GSE1: variants seen among roughly 807,000 people sequenced by gnomAD.
GSE1 encodes the protein genetic suppressor element 1.
Under a neutral mutation model 112.6 loss-of-function variants are expected in GSE1, and 32 were observed. The ratio of observed to expected loss-of-function variants is 0.28; its 90% CI spans 0.21 to 0.38. GSE1 has a LOEUF of 0.38. Among genes scored for constraint, GSE1 ranks in the 10% least tolerant of loss-of-function variants. GSE1 has a pLI of 1.00. For synonymous variants in GSE1, 1,115 were observed against 735.6 expected (o/e 1.52, Z -8.35); for missense variants, 2,348 against 1,699.2 (o/e 1.38, Z -6.71).
intron 1 of GSE1, among the ~76,000 whole-genome samples, chr16:85,586,315 C>T (rs1207304475): frequency 1.3e-5 from 2 of 152,244 alleles, no homozygotes; most frequent in Non-Finnish European, 2.9e-5. Context: ...CAGTTTAGCC[C>T]ATGACATAGG....
intron 1 of GSE1, among the ~76,000 whole-genome samples, chr16:85,628,046 G>T (rs1253504352): frequency 6.6e-6 from 1 of 152,200 alleles, no homozygotes; most frequent in South Asian, 2.1e-4. Flanking sequence ...CAGGAGGCAC[G>T]TGGGCCCTGG....
At chr16:85,597,373 CAA>C (rs1165062872) in intron 1 of GSE1, among the ~76,000 whole-genome samples, 3 of 31,846 alleles carry the variant, frequency 9.4e-5, no homozygotes, top group East Asian at 9.4e-4. Context: ...GACTCTGTCT[CAA>C]AAAAAAAAAA....
At chr16:85,313,973 C>T (rs114977548) in intron 1 of GSE1, among the ~76,000 whole-genome samples, 6,552 of 150,368 alleles carry the variant, frequency 0.044, 478 homozygotes, top group African/African-American at 0.15. Context: ...GTGTGTGACA[C>T]AGCCTAGTGT....
intron 2 of GSE1, among the ~76,000 whole-genome samples, chr16:85,363,029 G>A (rs1263177050): frequency 6.6e-6 from 1 of 152,026 alleles, no homozygotes; most frequent in East Asian, 1.9e-4. Context: ...TAGACATGGG[G>A]TTTCACCATG....
At chr16:85,574,042 G>T (rs1033673667) in intron 1 of GSE1, among the ~76,000 whole-genome samples, 41 of 152,178 alleles carry the variant, frequency 2.7e-4, no homozygotes, top group African/African-American at 9.4e-4. Flanking sequence ...CTTGGGAGAG[G>T]CCCGCTCCCC....
chr16:85,194,675 A>T (rs72797612), intron 1 of GSE1, among the ~76,000 whole-genome samples: 2 of 152,148 alleles, frequency 1.3e-5, no homozygotes, highest in African/African-American at 4.8e-5. Flanking sequence ...GTTAACCAGG[A>T]GCTTTGGCTG....
intron 2 of GSE1, among the ~76,000 whole-genome samples, chr16:85,499,652 C>A (rs1203261761): frequency 1.3e-5 from 2 of 152,116 alleles, no homozygotes; most frequent in Non-Finnish European, 1.5e-5. Flanking sequence ...TACTTAATAT[C>A]CCAGAACTGT....
At chr16:85,404,923 GC>G (rs1163533221) in intron 2 of GSE1, among the ~76,000 whole-genome samples, 2 of 28,010 alleles carry the variant, frequency 7.1e-5, no homozygotes, top group African/African-American at 2.3e-4. Context: ...TTACTCTCAG[GC>G]CCCCCTGGAT....
chr16:85,255,095 C>CGGT (rs1906924262), intron 1 of GSE1, among the ~76,000 whole-genome samples: 3 of 152,220 alleles, frequency 2.0e-5, no homozygotes, highest in Admixed American at 2.0e-4. Flanking sequence ...GAGGCGGCGG[C>CGGT]GGCGGTCGCT....
chr16:85,357,660 T>A, intron 2 of GSE1: 1 of 1,285,004 alleles, frequency 7.8e-7, no homozygotes, highest in Non-Finnish European at 1.0e-6. Flanking sequence ...GCCAGCTCTT[T>A]TTGTATCTCT....
At chr16:85,209,472 C>T (rs1458442992) in intron 1 of GSE1, among the ~76,000 whole-genome samples, 1 of 152,134 alleles carries the variant, frequency 6.6e-6, no homozygotes, top group African/African-American at 2.4e-5. Flanking sequence ...TCTTGTGGCC[C>T]CCAGCTGGCG....
intron 2 of GSE1, among the ~76,000 whole-genome samples, chr16:85,496,933 C>T (rs1271547889): frequency 6.6e-6 from 1 of 151,378 alleles, no homozygotes; most frequent in African/African-American, 2.4e-5. Flanking sequence ...GAGTCTCACT[C>T]TGTCATCCAG....
chr16:85,463,308 C>G (rs769942102), intron 2 of GSE1, among the ~76,000 whole-genome samples: 12 of 152,352 alleles, frequency 7.9e-5, no homozygotes, highest in Non-Finnish European at 1.3e-4. Flanking sequence ...GCTGTCAACT[C>G]AGAAGAGAAG....
intron 1 of GSE1, among the ~76,000 whole-genome samples, chr16:85,567,362 C>G (rs2045801765): frequency 6.6e-6 from 1 of 152,214 alleles, no homozygotes; most frequent in Non-Finnish European, 1.5e-5. Context: ...CCGGTCTCTG[C>G]CCAGCTACAC....
At chr16:85,638,061 G>C (rs537341650) in intron 2 of GSE1, among the ~76,000 whole-genome samples, 1 of 152,162 alleles carries the variant, frequency 6.6e-6, no homozygotes, top group Non-Finnish European at 1.5e-5. Flanking sequence ...GGCCCCAGCC[G>C]CCTGCGGCAA....
rs1464352847 is a variant in GSE1, at chr16:85,668,437, TGGGGAAGA to T, written c.3415+18_3415+25del. On this transcript the variant is annotated intron_variant, in intron 14 of 15. Transcript: ENST00000253458. ...GAACACATAGAAGGTAAGGGGGTGCTGGGGAAGAGGGGGGAGGGGGTCAGGAAAGTACC... is the reference window on the plus strand; with the variant it reads ...GAACACATAGAAGGTAAGGGGGTGCTGGGGGGAGGGGGTCAGGAAAGTACC... The T allele has an allele frequency of 8.4e-7, 1 of 1,194,794 alleles. No homozygotes were observed. The highest frequency in any genetic ancestry group is 1.2e-6 in the Non-Finnish European group (1 of 826,482). The allele number at this position is 1,194,794 out of a possible 1,614,324, so 74.0% of individuals were successfully genotyped here.
chr16:85,528,459 G>T (rs1346089428), intron 2 of GSE1, among the ~76,000 whole-genome samples: 1 of 150,794 alleles, frequency 6.6e-6, no homozygotes, highest in Non-Finnish European at 1.5e-5. Context: ...CTACAGGTGT[G>T]TGCACCACCA....
intron 1 of GSE1, among the ~76,000 whole-genome samples, chr16:85,587,264 G>C (rs543492821): frequency 6.6e-6 from 1 of 152,244 alleles, no homozygotes; most frequent in Non-Finnish European, 1.5e-5. Flanking sequence ...AGGGGGAAAC[G>C]GCGATGTGGA....
chr16:85,210,440 A>C (rs1018443328), intron 1 of GSE1, among the ~76,000 whole-genome samples: 16 of 152,144 alleles, frequency 1.1e-4, no homozygotes, highest in Non-Finnish European at 1.9e-4. Context: ...CCATTTCTAC[A>C]AAAAAATTAG....
Sources: allele counts gnomAD v4.1 joint callset (sites outside exome capture counted in the v4.1 genomes callset), GRCh38; gene constraint gnomAD v4.1.1; transcripts MANE v1.5; gene names NCBI Gene and HGNC (gene_info 2026-07-23, HGNC 2026-07-21).